Variants in RELN observed in about 807,000 individuals in gnomAD.
The protein encoded by RELN is reelin.
In RELN, 108 loss-of-function variants were observed where a neutral mutation model predicts 427.6. The ratio of observed to expected loss-of-function variants is 0.25; its 90% CI spans 0.22 to 0.30. The LOEUF (loss-of-function observed/expected upper bound fraction) is 0.30. Ranked by LOEUF, RELN falls within the 10% of genes least tolerant of loss-of-function variation. The pLI, the probability that RELN is intolerant of heterozygous loss-of-function variation, is 1.00. For synonymous variants in RELN, 1,524 were observed against 1,513.4 expected (o/e 1.01, Z -0.16); for missense variants, 3,715 against 4,302.8 (o/e 0.86, Z 3.82).
chr7:103,620,869 G>A lies in RELN; in HGVS notation c.2703-9066C>T, dbSNP rs1223030474. ...TCTTTTCTGTCTCCTCTATTTCCTT[G>A]AACATCACTTCCTTTTAGAACAGAA... On this transcript the variant is annotated intron_variant, in intron 20 of 64. Transcript: ENST00000428762. The surrounding 1 kb of genome is among the most constrained non-coding windows in gnomAD (Gnocchi z 4.1). 6.6e-6 allele frequency among the ~76,000 whole-genome samples: 1 copy of A among 152,016 alleles called. No individual in the cohort carries two copies. The highest frequency in any genetic ancestry group is 2.4e-5 in the African/African-American group (1 of 41,370).
intron 22 of RELN, among the ~76,000 whole-genome samples, chr7:103,609,222 CAAAAA>C (rs11342938): frequency 0.014 from 1,636 of 120,698 alleles, 32 homozygotes; most frequent in African/African-American, 0.045. Context: ...GACTCTGTCT[CAAAAA>C]AAAAAAAAAA....
At chr7:103,560,823 T>A in intron 36 of RELN, among the ~76,000 whole-genome samples, 1 of 152,198 alleles carries the variant, frequency 6.6e-6, no homozygotes, top group Non-Finnish European at 1.5e-5. Flanking sequence ...CTATTGACTA[T>A]AATTGAAAAA....
chr7:103,705,622 C>T (rs1772984121), intron 8 of RELN, among the ~76,000 whole-genome samples: 1 of 152,126 alleles, frequency 6.6e-6, no homozygotes, highest in Non-Finnish European at 1.5e-5. Context: ...GTAAAATTGC[C>T]TCTGATATAA....
intron 13 of RELN, 51 bp downstream of exon 13, chr7:103,654,042 G>T: frequency 9.8e-7 from 1 of 1,022,550 alleles, no homozygotes. Flanking sequence ...ACTTGGGCTT[G>T]TCCAGGGTGG....
intron 48 of RELN, among the ~76,000 whole-genome samples, chr7:103,519,900 T>C (rs1381290197): frequency 6.6e-6 from 1 of 152,184 alleles, no homozygotes; most frequent in Non-Finnish European, 1.5e-5. Context: ...ATTGTGGCAC[T>C]GATTTTCTTA....
intron 16 of RELN, among the ~76,000 whole-genome samples, chr7:103,648,207 G>A (rs1832836827): frequency 6.6e-6 from 1 of 151,966 alleles, no homozygotes; most frequent in Admixed American, 6.6e-5. Flanking sequence ...TGGATCATGG[G>A]GGTGGATTTC....
At chr7:103,574,464 A>C (rs1830953707) in intron 29 of RELN, among the ~76,000 whole-genome samples, 165 bp from the exon 30 acceptor site, 1 of 152,260 alleles carries the variant, frequency 6.6e-6, no homozygotes, top group African/African-American at 2.4e-5. Context: ...GACAGCCATC[A>C]CTACCATCAT....
intron 17 of RELN, among the ~76,000 whole-genome samples, chr7:103,637,202 A>T (rs1832601588): frequency 6.6e-6 from 1 of 152,242 alleles, no homozygotes; most frequent in African/African-American, 2.4e-5. Context: ...TGAATCAGCA[A>T]TGGAAACATC....
At chr7:103,540,910 C>T (rs937033739) in intron 43 of RELN, among the ~76,000 whole-genome samples, 1 of 152,210 alleles carries the variant, frequency 6.6e-6, no homozygotes, top group African/African-American at 2.4e-5. Flanking sequence ...ATTATTTCTT[C>T]TAAGGTTTCA....
intron 10 of RELN, among the ~76,000 whole-genome samples, chr7:103,695,060 C>T (rs1386439624): frequency 2.0e-5 from 3 of 151,984 alleles, no homozygotes; most frequent in Non-Finnish European, 4.4e-5. Flanking sequence ...ACCTCATGAC[C>T]AATAGGAACA....
At chr7:103,629,630 G>GT (rs35434615) in intron 20 of RELN, among the ~76,000 whole-genome samples, 45 of 146,962 alleles carry the variant, frequency 3.1e-4, no homozygotes, top group East Asian at 1.6e-3. Flanking sequence ...TTTTGAAGAG[G>GT]TTTTTTTTTT....
At chr7:103,662,965 A>G (rs1833177482) in intron 11 of RELN, among the ~76,000 whole-genome samples, 1 of 152,100 alleles carries the variant, frequency 6.6e-6, no homozygotes. Context: ...CTCGCCTTGT[A>G]CCATGTCTCT....
intron 1 of RELN, among the ~76,000 whole-genome samples, chr7:103,922,305 A>G (rs368277303): frequency 1.8e-4 from 27 of 152,104 alleles, no homozygotes; most frequent in African/African-American, 6.3e-4. Flanking sequence ...ATTTAACCAT[A>G]ATAGCTTTTC....
At chr7:103,619,584 T>C (rs138568783) in intron 20 of RELN, among the ~76,000 whole-genome samples, 12 of 152,374 alleles carry the variant, frequency 7.9e-5, no homozygotes, top group African/African-American at 2.9e-4. Flanking sequence ...GTCAAGTTTA[T>C]GTTAATGAGT....
At chr7:103,528,170 A>G (rs1829865247) in intron 46 of RELN, among the ~76,000 whole-genome samples, 1 of 152,246 alleles carries the variant, frequency 6.6e-6, no homozygotes. Context: ...CGATGAACAG[A>G]TAAATAAAAT....
intron 4 of RELN, among the ~76,000 whole-genome samples, chr7:103,771,289 T>C (rs1428236554): frequency 6.6e-6 from 1 of 151,944 alleles, no homozygotes; most frequent in Admixed American, 6.5e-5. Context: ...TGTTTGTCCT[T>C]GTTGGACACC....
chr7:103,700,771 C>A, intron 9 of RELN, 139 bp downstream of exon 9: 1 of 692,190 alleles, frequency 1.4e-6, no homozygotes, highest in Non-Finnish European at 2.6e-6. Flanking sequence ...ATAATATGTG[C>A]ATCCATAGAA....
At chr7:103,912,281 C>T (rs1188520281) in intron 2 of RELN, among the ~76,000 whole-genome samples, 1 of 150,242 alleles carries the variant, frequency 6.7e-6, no homozygotes, top group African/African-American at 2.5e-5. Flanking sequence ...CTGCAAACCT[C>T]CACCTCCCGG....
At chr7:103,641,559 T>C (rs1832694020) in intron 16 of RELN, among the ~76,000 whole-genome samples, 1 of 152,160 alleles carries the variant, frequency 6.6e-6, no homozygotes, top group African/African-American at 2.4e-5. Context: ...TAATCCTGGC[T>C]TCAAATTCTG....
Sources: allele counts gnomAD v4.1 joint callset (sites outside exome capture counted in the v4.1 genomes callset), GRCh38; gene constraint gnomAD v4.1.1; non-coding constraint Gnocchi (gnomAD v3.1); transcripts MANE v1.5; gene names NCBI Gene and HGNC (gene_info 2026-07-23, HGNC 2026-07-21).